CFAP43: variants seen among roughly 807,000 people sequenced by gnomAD.
CFAP43 encodes the protein cilia- and flagella-associated protein 43.
Under a neutral mutation model 218.9 loss-of-function variants are expected in CFAP43, and 155 were observed. The ratio of observed to expected loss-of-function variants is 0.71; its 90% CI spans 0.62 to 0.81. The LOEUF (loss-of-function observed/expected upper bound fraction) is 0.81, where lower values mean the gene tolerates loss of function less well. CFAP43 is among the 30% of genes least tolerant of loss of function. The pLI is 0.00. For missense variants in CFAP43, 1,778 were observed against 1,954.3 expected, an observed-to-expected ratio of 0.91 and a Z score of 1.70; for synonymous variants, 645 against 681.3, an observed-to-expected ratio of 0.95 and a Z score of 0.83.
At chr10:104,191,965 C>T (rs904699648) in intron 12 of CFAP43, among the ~76,000 whole-genome samples, 2 of 151,940 alleles carry the variant, frequency 1.3e-5, no homozygotes, top group Non-Finnish European at 2.9e-5. Context: ...ATAATTGATT[C>T]AAGAAAATTT....
intron 35 of CFAP43, 65 bp from the exon 36 acceptor site, chr10:104,132,261 G>C: frequency 8.4e-7 from 1 of 1,190,082 alleles, no homozygotes; most frequent in Non-Finnish European, 1.2e-6. Context: ...CTTTATAAAG[G>C]TTGTTTTAGC....
At chr10:104,131,597 CT>C (rs2087197871) in intron 36 of CFAP43, 113 bp from the exon 37 acceptor site, 1 of 1,225,564 alleles carries the variant, frequency 8.2e-7, no homozygotes, top group Non-Finnish European at 1.1e-6. Context: ...AAGATAACAT[CT>C]TACCGCCATA....
chr10:104,199,660 G>C (rs1033718597), intron 8 of CFAP43, among the ~76,000 whole-genome samples: 11 of 137,706 alleles, frequency 8.0e-5, no homozygotes, highest in Non-Finnish European at 1.8e-4. Flanking sequence ...CAAAATAAGA[G>C]GGTGAAATTT....
chr10:104,167,896 T>C (rs1243282432), intron 21 of CFAP43, among the ~76,000 whole-genome samples, 159 bp from the exon 22 acceptor site: 1 of 152,222 alleles, frequency 6.6e-6, no homozygotes, highest in East Asian at 1.9e-4. Flanking sequence ...TAAAACAATG[T>C]ATTCCATGAG....
intron 28 of CFAP43, among the ~76,000 whole-genome samples, chr10:104,152,065 C>T (rs1043411364): frequency 6.6e-6 from 1 of 151,900 alleles, no homozygotes; most frequent in East Asian, 1.9e-4. Context: ...GATTTTTTTT[C>T]ACCTGATCTT....
chr10:104,167,776 T>C (rs373793694), intron 21 of CFAP43, 39 bp from the exon 22 acceptor site: 81 of 1,519,046 alleles, frequency 5.3e-5, no homozygotes, highest in Non-Finnish European at 6.6e-5. Flanking sequence ...AATCCATTTG[T>C]AGTATAATTG....
chr10:104,209,830 T>G (rs1342102085), intron 5 of CFAP43, among the ~76,000 whole-genome samples: 1 of 152,152 alleles, frequency 6.6e-6, no homozygotes, highest in Admixed American at 6.6e-5. Flanking sequence ...CTGAGACCTG[T>G]GCTATAAAAG....
Position 104,172,530 on chromosome 10 carries a change from C to T in CFAP43, c.2466G>A (p.Leu822=). ...QGIKSLSKTI[L]NMMEENDKLE... is the part of the protein sequence containing the mutation. Reference sequence around the variant, plus strand: ...GTTTGTCATTTTCTTCCATCATATTCAGAATCTGAATGTTGAAATAAAAAA... The same window carrying T: ...GTTTGTCATTTTCTTCCATCATATTTAGAATCTGAATGTTGAAATAAAAAA... The change falls in exon 20 of 38, where the codon CTG becomes CTA. Residue 822 remains leucine, a synonymous_variant. Coordinates refer to ENST00000357060, the MANE Select transcript of CFAP43 (RefSeq NM_025145.7). The T allele has an allele frequency of 1.9e-6, 3 of 1,593,990 alleles. No homozygotes were observed. Among genetic ancestry groups the T allele is most frequent in the Non-Finnish European group, 2.6e-6 (3 of 1,173,642 alleles).
chr10:104,148,150 A>C, intron 28 of CFAP43, 152 bp from the exon 29 acceptor site: 1 of 432,208 alleles, frequency 2.3e-6, no homozygotes, highest in East Asian at 3.4e-5. Flanking sequence ...AATACAGCTT[A>C]TTGAAATAAC....
At position 104,166,370 on chromosome 10, in the gene CFAP43, C is replaced by T. The variant is rs2089152459; in HGVS notation, c.3039+118G>A. ...TACAGGTGTGAGCCACTGTGCCCAG[C>T]CTCCTCTATGTATTTTTAAATCATC... On this transcript the variant is annotated intron_variant, in intron 23 of 37. Transcript: ENST00000357060. The T allele has an allele frequency of 4.0e-6, 3 of 751,698 alleles. No homozygotes were observed. The East Asian group carries it at 8.1e-5, about 20-fold the overall frequency. 46.6% of individuals were successfully genotyped at this position (751,698 alleles called of 1,614,324 possible). A position where few individuals can be genotyped will look rare whatever the true frequency, so the allele number is the denominator to read the frequency against.
rs757425275 is a variant in CFAP43 at position 104,198,056 on chromosome 10, G to GA, written c.1096-19dup. On this transcript the variant is annotated intron_variant, in intron 8 of 37. Coordinates refer to ENST00000357060, the MANE Select transcript of CFAP43 (RefSeq NM_025145.7). Reference sequence around the variant, plus strand: ...ACAGATCCCTGATAAACATACAAAAGAAAAGAAACACATTGTAATTGTTGT... The same window carrying GA: ...ACAGATCCCTGATAAACATACAAAAGAAAAAGAAACACATTGTAATTGTTGT... 4 of 1,406,536 alleles carry GA rather than the reference G, an allele frequency of 2.8e-6. No individual in the cohort carries two copies. The South Asian group carries it at 4.8e-5, about 17-fold the overall frequency. The allele number at this position is 1,406,536 out of a possible 1,614,324, so 87.1% of individuals were successfully genotyped here.
chr10:104,208,865 T>C (rs2090772699), intron 5 of CFAP43, among the ~76,000 whole-genome samples: 1 of 152,222 alleles, frequency 6.6e-6, no homozygotes, highest in African/African-American at 2.4e-5. Context: ...ATCCAATTTC[T>C]GCCCAGATAA....
intron 27 of CFAP43, among the ~76,000 whole-genome samples, chr10:104,157,775 T>TGTGTGTGAGAGAGAGAGAGA (rs1484523345): frequency 3.3e-5 from 3 of 90,160 alleles, no homozygotes; most frequent in African/African-American, 1.5e-4. Flanking sequence ...TGTGTGTGTG[T>TGTGTGTGAGAGAGAGAGAGA]GAGAGAGAGA....
chr10:104,214,987 T>C (rs1364463352), intron 3 of CFAP43, among the ~76,000 whole-genome samples: 2 of 151,796 alleles, frequency 1.3e-5, no homozygotes, highest in Admixed American at 6.6e-5. Flanking sequence ...ATACAAAAAT[T>C]AGCTGGGTAT....
chr10:104,171,359 C>T (rs1156275650), intron 20 of CFAP43, among the ~76,000 whole-genome samples: 1 of 152,234 alleles, frequency 6.6e-6, no homozygotes, highest in Non-Finnish European at 1.5e-5. Context: ...TTATCCACTA[C>T]ATTTCCTCAC....
At chr10:104,229,581 T>C (rs1265462060) in intron 2 of CFAP43, among the ~76,000 whole-genome samples, 1 of 151,444 alleles carries the variant, frequency 6.6e-6, no homozygotes, top group Non-Finnish European at 1.5e-5. Flanking sequence ...GGAGAATCAC[T>C]TGAACCCAGG....
At chr10:104,171,531 A>G (rs147957561) in intron 20 of CFAP43, among the ~76,000 whole-genome samples, 3 of 152,326 alleles carry the variant, frequency 2.0e-5, no homozygotes, top group South Asian at 2.1e-4. Flanking sequence ...CTCTTGGTGT[A>G]GTTGTTTAAT....
In CFAP43 at chr10:104,196,833, C is replaced by A; in HGVS notation, c.1293+20G>T. 6.4e-7 allele frequency: 1 copy of A among 1,559,986 alleles called. No individual in the cohort carries two copies. ...TAGAATTCAGTATTTTTTTAAAATC[C>A]ATTTATCAAGTATACTTACTAGGGT... On this transcript the variant is annotated intron_variant, in intron 10 of 37. Coordinates refer to ENST00000357060, the MANE Select transcript of CFAP43 (RefSeq NM_025145.7).
intron 27 of CFAP43, among the ~76,000 whole-genome samples, chr10:104,159,265 G>T (rs997576327): frequency 1.3e-5 from 2 of 152,176 alleles, no homozygotes; most frequent in Admixed American, 1.3e-4. Context: ...GATCCAGGGG[G>T]AAAGAGAGGC....
Sources: gnomAD v4.1 joint callset for allele counts (sites outside exome capture counted in the v4.1 genomes callset) on GRCh38, gnomAD v4.1.1 for gene constraint, MANE v1.5 for transcripts, NCBI Gene and HGNC (gene_info 2026-07-23, HGNC 2026-07-21) for gene names.